TASP1: variants seen among roughly 807,000 people sequenced by gnomAD.
TASP1 encodes the protein threonine aspartase 1.
A neutral mutation model predicts 56.6 loss-of-function variants in TASP1; 16 were observed. That is an observed-to-expected ratio of 0.28 (90% CI 0.19 to 0.43). The LOEUF (loss-of-function observed/expected upper bound fraction) is 0.43. TASP1 is among the 20% of genes least tolerant of loss of function. The pLI is 1.00. For synonymous variants in TASP1, 179 were observed against 184.2 expected (o/e 0.97, Z 0.23); for missense variants, 393 against 511.6 (o/e 0.77, Z 2.24).
At chr20:13,380,521 T>C in the TASP1 span, among the ~76,000 whole-genome samples, 14 of 152,024 alleles carry the variant, frequency 9.2e-5, no homozygotes, top group African/African-American at 3.4e-4. Context: ...AACCCCTGCT[T>C]GGTGGTGTCT....
At chr20:13,360,731 C>T in the TASP1 span, among the ~76,000 whole-genome samples, 2 of 152,166 alleles carry the variant, frequency 1.3e-5, no homozygotes, top group African/African-American at 2.4e-5. Flanking sequence ...TTCTGCTTCC[C>T]AGCTCCTTCA....
chr20:13,583,903 A>C (rs926571745), intron 5 of TASP1, among the ~76,000 whole-genome samples: 1 of 152,114 alleles, frequency 6.6e-6, no homozygotes, highest in Admixed American at 6.5e-5. Context: ...AGCATGGTGA[A>C]ACCCGTCTCT....
At chr20:13,175,722 T>A in the TASP1 span, among the ~76,000 whole-genome samples, 1 of 152,238 alleles carries the variant, frequency 6.6e-6, no homozygotes, top group Non-Finnish European at 1.5e-5. Flanking sequence ...TAATATCCAT[T>A]GTGTACCTGG....
At chr20:13,622,610 G>T (rs1053327464) in intron 4 of TASP1, among the ~76,000 whole-genome samples, 14 of 152,142 alleles carry the variant, frequency 9.2e-5, no homozygotes, top group African/African-American at 3.4e-4. Flanking sequence ...GCATGAAAGG[G>T]TAAGTGCCTT....
intron 10 of TASP1, among the ~76,000 whole-genome samples, chr20:13,527,438 T>C (rs1438723098): frequency 2.0e-5 from 3 of 152,034 alleles, no homozygotes; most frequent in Non-Finnish European, 2.9e-5. Context: ...ACTTGAAGGA[T>C]AACATGAAAA....
intron 11 of TASP1, among the ~76,000 whole-genome samples, chr20:13,482,471 A>G (rs1324294164): frequency 1.3e-5 from 2 of 152,178 alleles, no homozygotes; most frequent in Non-Finnish European, 2.9e-5. Flanking sequence ...TAGGGATTGC[A>G]TTGAATCTTT....
the TASP1 span, among the ~76,000 whole-genome samples, chr20:13,171,289 A>G: frequency 2.0e-5 from 3 of 152,214 alleles, no homozygotes; most frequent in Non-Finnish European, 4.4e-5. Context: ...GCCACAAATT[A>G]TAAGCACCTG....
chr20:13,141,423 C>T, the TASP1 span, among the ~76,000 whole-genome samples: 1 of 152,242 alleles, frequency 6.6e-6, no homozygotes, highest in Non-Finnish European at 1.5e-5. Context: ...AAAAAATCTT[C>T]TCACATTTCT....
the TASP1 span, chr20:13,126,818 C>T: frequency 7.0e-7 from 1 of 1,422,992 alleles, no homozygotes; most frequent in Non-Finnish European, 9.3e-7. Flanking sequence ...TCTTATAGAA[C>T]CCTATTTGTA....
chr20:13,552,794 TAAATA>T (rs1354394154), intron 8 of TASP1, among the ~76,000 whole-genome samples: 2 of 152,254 alleles, frequency 1.3e-5, no homozygotes, highest in East Asian at 3.8e-4. Context: ...ATTTTTATCC[TAAATA>T]AAACACTGTT....
rs115246100 is a variant in TASP1, at chr20:13,560,284, C to A, written c.569-1170G>T. 4.6e-3 allele frequency among the ~76,000 whole-genome samples: 703 copies of A among 152,214 alleles called. 4 individuals carry two copies. Among genetic ancestry groups the A allele is most frequent in the African/African-American group, 0.015 (631 of 41,532 alleles). ...TTGGGTAAAATATTTAAAATACCAC[C>A]TTAAAAGCATTCAAAACCTTACAAG... On this transcript the variant is annotated intron_variant, in intron 7 of 13. Coordinates refer to ENST00000337743, the MANE Select transcript of TASP1 (RefSeq NM_017714.3).
downstream of TASP1, among the ~76,000 whole-genome samples, chr20:13,388,144 C>T (rs1037229192): frequency 6.6e-6 from 1 of 152,100 alleles, no homozygotes; most frequent in Non-Finnish European, 1.5e-5. Flanking sequence ...AAAGTGGGCA[C>T]CTTAAAATAC....
chr20:13,462,185 G>A (rs1479550257), intron 11 of TASP1, among the ~76,000 whole-genome samples: 1 of 152,098 alleles, frequency 6.6e-6, no homozygotes, highest in African/African-American at 2.4e-5. Context: ...CTTTGATTAA[G>A]CCACATAAGT....
chr20:13,119,141 G>A, the TASP1 span, among the ~76,000 whole-genome samples: 1 of 152,186 alleles, frequency 6.6e-6, no homozygotes, highest in Non-Finnish European at 1.5e-5. Flanking sequence ...CCTGATCCTG[G>A]CTACATTGCT....
the TASP1 span, among the ~76,000 whole-genome samples, chr20:13,281,438 C>T: frequency 6.6e-6 from 1 of 152,196 alleles, no homozygotes; most frequent in Non-Finnish European, 1.5e-5. Context: ...ATAGTACTTA[C>T]CATGCACTAG....
the TASP1 span, among the ~76,000 whole-genome samples, chr20:13,108,724 A>T: frequency 1.3e-5 from 2 of 152,070 alleles, no homozygotes; most frequent in Non-Finnish European, 2.9e-5. Flanking sequence ...AGAGGTGCCT[A>T]CCACCATACC....
the TASP1 span, among the ~76,000 whole-genome samples, chr20:13,277,491 G>A: frequency 7.2e-5 from 11 of 152,050 alleles, no homozygotes; most frequent in South Asian, 2.1e-4. Context: ...AGCTTGGCTC[G>A]GCTCTACCCA....
At chr20:13,379,470 G>C in the TASP1 span, among the ~76,000 whole-genome samples, 6 of 152,290 alleles carry the variant, frequency 3.9e-5, no homozygotes, top group Non-Finnish European at 8.8e-5. Context: ...GCTTCTCTTT[G>C]TGGGTAACCC....
chr20:13,159,939 C>G, the TASP1 span: 1 of 1,432,864 alleles, frequency 7.0e-7, no homozygotes, highest in Non-Finnish European at 9.2e-7. Context: ...CCTTTTTTGT[C>G]AGGATAATTT....
Sources: gnomAD v4.1 joint callset for allele counts (sites outside exome capture counted in the v4.1 genomes callset) on GRCh38, gnomAD v4.1.1 for gene constraint, MANE v1.5 for transcripts, NCBI Gene and HGNC (gene_info 2026-07-23, HGNC 2026-07-21) for gene names.